The following PTPRK variants were observed in gnomAD, a reference collection of about 807,000 sequenced individuals.
PTPRK encodes receptor-type tyrosine-protein phosphatase kappa.
A neutral mutation model predicts 178.0 loss-of-function variants in PTPRK; 75 were observed. That is an observed-to-expected ratio of 0.42 (90% CI 0.35 to 0.51). PTPRK has a LOEUF of 0.51. Among genes scored for constraint, PTPRK ranks in the 20% least tolerant of loss-of-function variants. The pLI, the probability that PTPRK is intolerant of heterozygous loss-of-function variation, is 0.02. For missense variants in PTPRK, 1,441 were observed against 1,797.8 expected (o/e 0.80, Z 3.59); for synonymous variants, 637 against 620.6 (o/e 1.03, Z -0.39).
At chr6:128,378,080 C>A in intron 2 of PTPRK, among the ~76,000 whole-genome samples, 1 of 151,984 alleles carries the variant, frequency 6.6e-6, no homozygotes, top group East Asian at 1.9e-4. Context: ...AATTTAACCA[C>A]AAATATTAAG....
At chr6:128,103,768 G>A (rs1789192995) in intron 7 of PTPRK, among the ~76,000 whole-genome samples, 1 of 152,258 alleles carries the variant, frequency 6.6e-6, no homozygotes, top group African/African-American at 2.4e-5. Flanking sequence ...ACCTGGGGCT[G>A]CAATCAGTGA....
intron 16 of PTPRK, among the ~76,000 whole-genome samples, chr6:127,998,433 A>G (rs1777417319): frequency 6.6e-6 from 1 of 152,034 alleles, no homozygotes; most frequent in African/African-American, 2.4e-5. Flanking sequence ...GCATGGGGAG[A>G]TACGCAAAGT....
At chr6:128,243,930 A>G (rs1319204774) in intron 3 of PTPRK, among the ~76,000 whole-genome samples, 1 of 152,202 alleles carries the variant, frequency 6.6e-6, no homozygotes, top group Non-Finnish European at 1.5e-5. Context: ...GATGATATGG[A>G]GAGAAAAAAT....
intron 1 of PTPRK, chr6:128,491,691 A>G: frequency 2.1e-6 from 1 of 468,878 alleles, no homozygotes; most frequent in Non-Finnish European, 4.3e-6. Flanking sequence ...TAAAACAAAC[A>G]TCAGGCTTAC....
chr6:128,361,022 GA>G (rs1312113386), intron 2 of PTPRK, among the ~76,000 whole-genome samples: 3 of 152,038 alleles, frequency 2.0e-5, no homozygotes, highest in Non-Finnish European at 4.4e-5. Flanking sequence ...AGCAAATTAA[GA>G]ATAATTAACT....
chr6:128,501,945 G>A (rs376116960), intron 1 of PTPRK, among the ~76,000 whole-genome samples: 1 of 152,126 alleles, frequency 6.6e-6, no homozygotes. Flanking sequence ...CATCAAAGTG[G>A]CAATGTATAG....
At chr6:128,403,741 T>C (rs1178738009) in intron 1 of PTPRK, among the ~76,000 whole-genome samples, 1 of 152,162 alleles carries the variant, frequency 6.6e-6, no homozygotes, top group Non-Finnish European at 1.5e-5. Flanking sequence ...AAATAGTTTA[T>C]ATGAAGGCAA....
rs1390197128 is a variant in PTPRK, at chr6:128,420,671, C to CCATT, written c.101-22987_101-22984dup. Among the ~76,000 whole-genome samples the CCATT allele has an allele frequency of 2.0e-5, 3 of 152,242 alleles. No individual in the cohort carries two copies. In the East Asian group the frequency reaches 5.8e-4, roughly 29 times the overall value. On this transcript the variant is annotated intron_variant, in intron 1 of 29. Transcript: ENST00000368226. ...GAGAGCAGCAGGAATTTTACATTTGCCATTTACAGTCAGGAAGAACTTACG... is the reference window on the plus strand; with the variant it reads ...GAGAGCAGCAGGAATTTTACATTTGCCATTCATTTACAGTCAGGAAGAACTTACG...
intron 7 of PTPRK, among the ~76,000 whole-genome samples, chr6:128,099,131 G>A (rs1281298344): frequency 6.6e-6 from 1 of 150,942 alleles, no homozygotes; most frequent in Non-Finnish European, 1.5e-5. Flanking sequence ...GAATCTGTTA[G>A]TTGGAATTTC....
chr6:128,071,009 A>G (rs1444049843), intron 11 of PTPRK, among the ~76,000 whole-genome samples: 2 of 151,828 alleles, frequency 1.3e-5, no homozygotes, highest in Non-Finnish European at 2.9e-5. Context: ...TTGAAGAGTA[A>G]GAATTTTCTC....
intron 13 of PTPRK, among the ~76,000 whole-genome samples, chr6:128,015,233 T>C (rs185708910): frequency 1.3e-5 from 2 of 151,906 alleles, no homozygotes; most frequent in Admixed American, 1.3e-4. Context: ...AAAATAAGTA[T>C]ATTTTAGGAA....
At chr6:128,080,378 G>A (rs1784605568) in intron 10 of PTPRK, among the ~76,000 whole-genome samples, 1 of 151,972 alleles carries the variant, frequency 6.6e-6, no homozygotes. Flanking sequence ...AAATATTTAA[G>A]AAGGAAATAT....
intron 13 of PTPRK, among the ~76,000 whole-genome samples, chr6:128,037,252 A>T (rs1395722904): frequency 6.6e-6 from 1 of 152,210 alleles, no homozygotes; most frequent in African/African-American, 2.4e-5. Context: ...TCCCAGATTA[A>T]GACTGAATCA....
chr6:128,144,655 T>C (rs1796228242), intron 7 of PTPRK, among the ~76,000 whole-genome samples: 2 of 152,180 alleles, frequency 1.3e-5, no homozygotes, highest in African/African-American at 4.8e-5. Flanking sequence ...CATTCTTATA[T>C]AATTATTGTG....
chr6:128,500,320 T>C (rs887039759), intron 1 of PTPRK, among the ~76,000 whole-genome samples: 11 of 151,854 alleles, frequency 7.2e-5, no homozygotes, highest in Admixed American at 7.2e-4. Context: ...GCTCTAAAAA[T>C]GGGTCATCCT....
intron 1 of PTPRK, among the ~76,000 whole-genome samples, chr6:128,487,711 AAT>A (rs1853157287): frequency 6.6e-6 from 1 of 152,090 alleles, no homozygotes; most frequent in East Asian, 1.9e-4. Flanking sequence ...TAAGAATAAA[AAT>A]AGAGTTTTCC....
At chr6:127,999,577 A>G (rs1777556344) in intron 15 of PTPRK, among the ~76,000 whole-genome samples, 1 of 152,160 alleles carries the variant, frequency 6.6e-6, no homozygotes, top group East Asian at 1.9e-4. Context: ...TGCGAGAGAA[A>G]TCAGGGCGCG....
intron 1 of PTPRK, among the ~76,000 whole-genome samples, chr6:128,451,461 C>A (rs1263934450): frequency 1.3e-5 from 2 of 152,048 alleles, no homozygotes; most frequent in Non-Finnish European, 2.9e-5. Context: ...ATAAAACACA[C>A]CTCCTTTTTC....
chr6:128,379,842 T>G (rs910942635), intron 2 of PTPRK, among the ~76,000 whole-genome samples: 1 of 152,188 alleles, frequency 6.6e-6, no homozygotes, highest in Non-Finnish European at 1.5e-5. Flanking sequence ...GATGGCAAAC[T>G]GTCTGTTTAT....
Sources: gnomAD v4.1 joint callset for allele counts (sites outside exome capture counted in the v4.1 genomes callset) on GRCh38, gnomAD v4.1.1 for gene constraint, MANE v1.5 for transcripts, NCBI Gene and HGNC (gene_info 2026-07-23, HGNC 2026-07-21) for gene names.